Variants in CD109 observed in about 807,000 individuals in gnomAD.
CD109 encodes CD109 antigen.
Under a neutral mutation model 165.8 loss-of-function variants are expected in CD109, and 149 were observed. The ratio of observed to expected loss-of-function variants is 0.90; its 90% CI spans 0.79 to 1.03. The LOEUF (loss-of-function observed/expected upper bound fraction) is 1.03, where lower values mean the gene tolerates loss of function less well. Ranked by LOEUF, CD109 falls within the 50% of genes least tolerant of loss-of-function variation. CD109 has a pLI of 0.00. For synonymous variants in CD109, 585 were observed against 592.1 expected (o/e 0.99, Z 0.18); for missense variants, 1,712 against 1,677.8 (o/e 1.02, Z -0.36).
At chr6:73,701,787 A>G (rs111255928) in intron 2 of CD109, among the ~76,000 whole-genome samples, 3,072 of 152,292 alleles carry the variant, frequency 0.02, 48 homozygotes, top group Admixed American at 0.041. Flanking sequence ...CTGATTTAAG[A>G]AAAAATGCTA....
At chr6:73,819,073 G>A (rs1275283180) in intron 31 of CD109, among the ~76,000 whole-genome samples, 3 of 152,200 alleles carry the variant, frequency 2.0e-5, no homozygotes, top group Non-Finnish European at 4.4e-5. Flanking sequence ...GACTTCAAGT[G>A]ATCTTCTGGT....
At chr6:73,803,572 A>T (rs1775457111) in intron 24 of CD109, among the ~76,000 whole-genome samples, 2 of 151,876 alleles carry the variant, frequency 1.3e-5, no homozygotes, top group Admixed American at 1.3e-4. Context: ...ATACTTTATG[A>T]TGATGGTGCA....
At position 73,812,239 on chromosome 6, in the gene CD109, C is replaced by A; in HGVS notation, c.3737C>A (p.Ser1246Tyr). The A allele has an allele frequency of 6.2e-7, 1 of 1,609,940 alleles. No individual in the cohort carries two copies. The highest frequency in any genetic ancestry group is 8.5e-7 in the Non-Finnish European group (1 of 1,177,598). The change falls in exon 29 of 33, where the codon TCC (serine) becomes TAC (tyrosine). Residue 1246 changes from serine to tyrosine, a missense_variant. Ser to Tyr is a moderately radical substitution (Grantham distance 144). Coordinates refer to ENST00000287097, the MANE Select transcript of CD109 (RefSeq NM_133493.5). The stretch of plus-strand genomic sequence containing the variant: ...GTACAGCCAACGGCAGTTAATATTT[C>A]CGCAAATGGTTTTGGATTTGCTATT... ...AVVQPTAVNISANGFGFAICQ... is the reference protein window; with the variant it reads ...AVVQPTAVNIYANGFGFAICQ...
At chr6:73,745,725 T>G (rs1041178564) in intron 5 of CD109, among the ~76,000 whole-genome samples, 1 of 152,138 alleles carries the variant, frequency 6.6e-6, no homozygotes, top group Non-Finnish European at 1.5e-5. Flanking sequence ...TTACAAAGAT[T>G]AATTTTTTGT....
chr6:73,775,104 A>G (rs1251519769), intron 15 of CD109, among the ~76,000 whole-genome samples: 1 of 152,060 alleles, frequency 6.6e-6, no homozygotes, highest in East Asian at 1.9e-4. Flanking sequence ...AGCCAGTGAG[A>G]ACAGGAAGAT....
At chr6:73,778,494 G>C (rs1478778281) in intron 15 of CD109, among the ~76,000 whole-genome samples, 1 of 152,120 alleles carries the variant, frequency 6.6e-6, no homozygotes, top group East Asian at 1.9e-4. Context: ...GATAACCACT[G>C]TTTAGATGCT....
chr6:73,812,031 A>G (rs1264092198), intron 28 of CD109, among the ~76,000 whole-genome samples, 174 bp from the exon 29 acceptor site: 2 of 152,046 alleles, frequency 1.3e-5, no homozygotes, highest in Non-Finnish European at 2.9e-5. Context: ...TCCTTTCATC[A>G]CCTTGCTTAC....
intron 15 of CD109, among the ~76,000 whole-genome samples, chr6:73,778,245 C>A (rs1774335667): frequency 6.6e-6 from 1 of 152,060 alleles, no homozygotes; most frequent in African/African-American, 2.4e-5. Context: ...GTGATTTTCA[C>A]ACATCGAGGC....
At position 73,782,915 on chromosome 6, in the gene CD109, A is replaced by G. The variant is rs184890001; in HGVS notation, c.2105+160A>G. The stretch of plus-strand genomic sequence containing the variant: ...GAAATGATATTTATTGAATCTAAAT[A>G]CAGTTTTTGATAAAGCCACACATAA... On this transcript the variant is annotated intron_variant, in intron 18 of 32. Transcript: ENST00000287097. 3.1e-3 allele frequency among the ~76,000 whole-genome samples: 477 copies of G among 152,334 alleles called. 3 individuals are homozygous for G. Among genetic ancestry groups the G allele is most frequent in the African/African-American group, 0.011 (449 of 41,592 alleles).
At chr6:73,790,675 TG>T (rs985781621) in intron 22 of CD109, among the ~76,000 whole-genome samples, 2 of 152,106 alleles carry the variant, frequency 1.3e-5, no homozygotes, top group Non-Finnish European at 1.5e-5. Context: ...ATGAGATGTC[TG>T]AGCTCAAGTA....
At chr6:73,736,334 A>C in intron 4 of CD109, 49 bp from the exon 5 acceptor site, 1 of 1,601,614 alleles carries the variant, frequency 6.2e-7, no homozygotes, top group Admixed American at 1.7e-5. Flanking sequence ...TAGGATACAC[A>C]TGCACATGGG....
At chr6:73,816,781 C>T (rs1775952300) in intron 30 of CD109, among the ~76,000 whole-genome samples, 1 of 152,076 alleles carries the variant, frequency 6.6e-6, no homozygotes, top group Admixed American at 6.6e-5. Context: ...AAGAAGAAGA[C>T]CCTCATGGAG....
At chr6:73,720,335 G>A (rs1194911989) in intron 2 of CD109, among the ~76,000 whole-genome samples, 1 of 152,098 alleles carries the variant, frequency 6.6e-6, no homozygotes, top group African/African-American at 2.4e-5. Context: ...GAAACAAAGG[G>A]TAAAATGGCA....
intron 30 of CD109, among the ~76,000 whole-genome samples, chr6:73,817,788 G>C (rs1354771843): frequency 1.3e-5 from 2 of 152,156 alleles, no homozygotes; most frequent in African/African-American, 4.8e-5. Flanking sequence ...AGGATGCAGT[G>C]TAATAAAACT....
intron 7 of CD109, among the ~76,000 whole-genome samples, chr6:73,759,816 A>G (rs1235943725): frequency 6.6e-6 from 1 of 152,040 alleles, no homozygotes; most frequent in Non-Finnish European, 1.5e-5. Flanking sequence ...GAATGAGTGA[A>G]TTTGATGCTC....
intron 2 of CD109, among the ~76,000 whole-genome samples, chr6:73,699,458 A>G (rs1770977479): frequency 6.6e-6 from 1 of 152,202 alleles, no homozygotes. Flanking sequence ...TTTTTGATAA[A>G]TATTTGAGCT....
intron 23 of CD109, among the ~76,000 whole-genome samples, chr6:73,800,521 A>T (rs1775324315): frequency 6.6e-6 from 1 of 152,172 alleles, no homozygotes; most frequent in African/African-American, 2.4e-5. Flanking sequence ...TGGTAGTTGT[A>T]ACCTTCTGAA....
rs1582071853 is a variant in CD109, at chr6:73,730,338, C to T, written c.277-6C>T. 1 of 1,569,208 alleles carries T rather than the reference C, an allele frequency of 6.4e-7. No homozygotes were observed. The highest frequency in any genetic ancestry group is 8.7e-7 in the Non-Finnish European group (1 of 1,147,218). On this transcript the variant is annotated splice_region_variant and splice_polypyrimidine_tract_variant and intron_variant, in intron 3 of 32. Coordinates refer to ENST00000287097, the MANE Select transcript of CD109 (RefSeq NM_133493.5). ...ACCTTGATGTGTGATCTCTTTTTCC[C>T]CCCAGCTACCTCTGAACAGTGCAGA...
chr6:73,811,153 G>T lies in CD109; in HGVS notation c.3702+6G>T, dbSNP rs1474791218. The stretch of plus-strand genomic sequence containing the variant: ...TACTCCTTCAGACAGCAGAGGTGTG[G>T]GCAAGGGGCAGTTATTTAAAAATCA... On this transcript the variant is annotated splice_donor_region_variant and intron_variant, in intron 28 of 32. Transcript: ENST00000287097. 3.7e-6 allele frequency: 6 copies of T among 1,608,954 alleles called. No homozygotes were observed. Among genetic ancestry groups the T allele is most frequent in the South Asian group, 2.2e-5 (2 of 90,126 alleles).
Sources: allele counts gnomAD v4.1 joint callset (sites outside exome capture counted in the v4.1 genomes callset), GRCh38; gene constraint gnomAD v4.1.1; transcripts MANE v1.5; gene names NCBI Gene and HGNC (gene_info 2026-07-23, HGNC 2026-07-21).